Variants in OPCML observed in about 807,000 individuals in gnomAD.
OPCML encodes the protein opioid-binding protein/cell adhesion molecule.
OPCML carries 13 observed loss-of-function variants against 37.8 expected under a neutral mutation model. The ratio of observed to expected loss-of-function variants is 0.34; its 90% CI spans 0.22 to 0.55. The LOEUF is 0.55. Ranked by LOEUF, OPCML falls within the 20% of genes least tolerant of loss-of-function variation. The pLI is 0.91. For missense variants in OPCML, 341 were observed against 435.6 expected (o/e 0.78, Z 1.93); for synonymous variants, 176 against 168.8 (o/e 1.04, Z -0.33).
intron 1 of OPCML, among the ~76,000 whole-genome samples, chr11:133,061,019 GTTTGA>G (rs1323135591): frequency 6.6e-6 from 1 of 152,198 alleles, no homozygotes; most frequent in East Asian, 1.9e-4. Context: ...AATAGTTTTT[GTTTGA>G]TTTTATTTTC....
chr11:133,005,487 G>A lies in OPCML; in HGVS notation c.62-62477C>T, dbSNP rs542021747. ...ACTAGTTTTTCTCTGTAGGGAGGTA[G>A]GGCAGGTCATATTTGGTAGAGTGAG... On this transcript the variant is annotated intron_variant, in intron 1 of 7. Coordinates refer to ENST00000524381, the MANE Select transcript of OPCML (RefSeq NM_001012393.5). 5.1e-6 allele frequency: 5 copies of A among 985,352 alleles called. No homozygotes were observed. The Admixed American group carries it at 2.5e-4, about 48-fold the overall frequency. 61.0% of individuals were successfully genotyped at this position (985,352 alleles called of 1,614,324 possible). A position where few individuals can be genotyped will look rare whatever the true frequency, so the allele number is the denominator to read the frequency against.
intron 2 of OPCML, among the ~76,000 whole-genome samples, chr11:132,910,471 C>A (rs142376847): frequency 1.0e-3 from 155 of 152,330 alleles, no homozygotes; most frequent in African/African-American, 3.6e-3. Flanking sequence ...CTTGGAAATT[C>A]CAAAATCTTC....
intron 2 of OPCML, among the ~76,000 whole-genome samples, chr11:132,664,341 T>C (rs180679095): frequency 6.6e-6 from 1 of 152,298 alleles, no homozygotes; most frequent in East Asian, 1.9e-4. Flanking sequence ...TTTAAAGTGG[T>C]CTTCTATAGA....
chr11:133,210,120 G>A (rs1565505983), intron 1 of OPCML, among the ~76,000 whole-genome samples: 1 of 152,182 alleles, frequency 6.6e-6, no homozygotes, highest in Non-Finnish European at 1.5e-5. Context: ...CTGGAACTGG[G>A]ACGTGCCTCA....
At chr11:132,954,723 G>A (rs1273274858) in intron 1 of OPCML, among the ~76,000 whole-genome samples, 2 of 152,172 alleles carry the variant, frequency 1.3e-5, no homozygotes, top group African/African-American at 2.4e-5. Context: ...GGGAGCTGAA[G>A]CCCTGGGTAC....
intron 4 of OPCML, among the ~76,000 whole-genome samples, chr11:132,490,852 T>C (rs1394534924): frequency 6.6e-6 from 1 of 151,706 alleles, no homozygotes; most frequent in African/African-American, 2.4e-5. Context: ...AGAACCTGTG[T>C]CTTCTCCCGT....
chr11:133,039,997 A>C lies in OPCML; in HGVS notation c.62-96987T>G, dbSNP rs186959673. 4.9e-3 allele frequency among the ~76,000 whole-genome samples: 745 copies of C among 151,798 alleles called. 2 individuals are homozygous for C. Among genetic ancestry groups the C allele is most frequent in the South Asian group, 0.013 (63 of 4,788 alleles). ...TGAGCCAAGATCACACCACTGCACT[A>C]CAGCCTGAGTGACAGCACGAGACTC... On this transcript the variant is annotated intron_variant, in intron 1 of 7. Transcript: ENST00000524381.
intron 1 of OPCML, among the ~76,000 whole-genome samples, chr11:133,062,886 C>T (rs1948374315): frequency 6.6e-6 from 1 of 152,234 alleles, no homozygotes; most frequent in Non-Finnish European, 1.5e-5. Flanking sequence ...TGCCTTGCTC[C>T]AGCACTGCTG....
At position 133,205,079 on chromosome 11, in the gene OPCML, A is replaced by G. The variant is rs1211884861; in HGVS notation, c.62-262069T>C. Among the ~76,000 whole-genome samples the G allele has an allele frequency of 6.6e-6, 1 of 151,710 alleles. No individual in the cohort carries two copies. The highest frequency in any genetic ancestry group is 2.4e-5 in the African/African-American group (1 of 41,344). ...GGCTGCCAGGGAAGCCAATTCTGTG[A>G]TTAAATAATTGGAACTTTCTGTCCC... On this transcript the variant is annotated intron_variant, in intron 1 of 7. Transcript: ENST00000524381. The surrounding 1 kb of genome is among the most constrained non-coding windows in gnomAD (Gnocchi z 4.8).
chr11:132,832,529 A>G (rs1940755396), intron 2 of OPCML, among the ~76,000 whole-genome samples: 1 of 152,222 alleles, frequency 6.6e-6, no homozygotes, highest in South Asian at 2.1e-4. Flanking sequence ...TCTCAATAGC[A>G]TTAATCAGAT....
chr11:132,758,946 AC>A (rs1479052122), intron 2 of OPCML, among the ~76,000 whole-genome samples: 2 of 152,002 alleles, frequency 1.3e-5, no homozygotes, highest in Non-Finnish European at 2.9e-5. Context: ...TTTGTCATAA[AC>A]CGCTTTTATT....
chr11:132,543,146 A>C (rs904269208), intron 3 of OPCML, among the ~76,000 whole-genome samples: 1 of 152,214 alleles, frequency 6.6e-6, no homozygotes, highest in African/African-American at 2.4e-5. Context: ...CATGCAGATG[A>C]TAGAGCTATC....
At chr11:132,685,845 T>C (rs1382317444) in intron 2 of OPCML, among the ~76,000 whole-genome samples, 1 of 152,200 alleles carries the variant, frequency 6.6e-6, no homozygotes, top group Non-Finnish European at 1.5e-5. Context: ...GTTTCACTAA[T>C]CCTTTCTCAA....
intron 2 of OPCML, among the ~76,000 whole-genome samples, chr11:132,687,388 A>G (rs1392546315): frequency 9.4e-5 from 4 of 42,510 alleles, no homozygotes; most frequent in Non-Finnish European, 1.7e-4. Flanking sequence ...ATATATATAT[A>G]TATATATATA....
At chr11:133,429,672 T>C (rs1296621800) in intron 1 of OPCML, among the ~76,000 whole-genome samples, 1 of 152,044 alleles carries the variant, frequency 6.6e-6, no homozygotes, top group Non-Finnish European at 1.5e-5. Context: ...AAGTGAGGTA[T>C]GAGAAAAAGA....
At chr11:132,666,916 C>T (rs1942251807) in intron 2 of OPCML, among the ~76,000 whole-genome samples, 1 of 152,162 alleles carries the variant, frequency 6.6e-6, no homozygotes, top group South Asian at 2.1e-4. Context: ...GGAGAATAGA[C>T]TGTAGCAGGG....
At chr11:132,632,771 A>G (rs1261808767) in intron 3 of OPCML, among the ~76,000 whole-genome samples, 1 of 152,040 alleles carries the variant, frequency 6.6e-6, no homozygotes, top group Non-Finnish European at 1.5e-5. Flanking sequence ...AACTATGCAA[A>G]TGTGGCCATC....
rs557938063 is a variant in OPCML at position 133,045,661 on chromosome 11, G to A, written c.62-102651C>T. The stretch of plus-strand genomic sequence containing the variant: ...GCCATCTTCTTCCCTCTCCCAATCA[G>A]GAGCATCACCTGTCATCGGGCTTCA... On this transcript the variant is annotated intron_variant, in intron 1 of 7. Coordinates refer to ENST00000524381, the MANE Select transcript of OPCML (RefSeq NM_001012393.5). 2.0e-5 allele frequency among the ~76,000 whole-genome samples: 3 copies of A among 152,322 alleles called. No individual in the cohort carries two copies. The South Asian group carries it at 6.2e-4, about 32-fold the overall frequency.
chr11:133,340,276 TC>T (rs1018901103), intron 1 of OPCML, among the ~76,000 whole-genome samples: 3 of 152,146 alleles, frequency 2.0e-5, no homozygotes, highest in African/African-American at 7.2e-5. Context: ...CTCCGGGTAA[TC>T]CGGCAGTATG....
Sources: gnomAD v4.1 joint callset for allele counts (sites outside exome capture counted in the v4.1 genomes callset) on GRCh38, gnomAD v4.1.1 for gene constraint, Gnocchi (gnomAD v3.1) non-coding constraint, MANE v1.5 for transcripts, NCBI Gene and HGNC (gene_info 2026-07-23, HGNC 2026-07-21) for gene names.